IL13RA1: variants seen among roughly 807,000 people sequenced by gnomAD.
IL13RA1 encodes interleukin 13 receptor subunit alpha 1, also known as interleukin-13 receptor subunit alpha-1.
A neutral mutation model predicts 33.8 loss-of-function variants in IL13RA1; 14 were observed. The observed-to-expected ratio is 0.41, with a 90% CI of 0.27 to 0.65. IL13RA1 has a LOEUF of 0.65. IL13RA1 is among the 30% of genes least tolerant of loss of function. The probability of loss-of-function intolerance (pLI) is 0.28; values close to 1 mark genes in which losing one functional copy is unlikely to be tolerated. For synonymous variants in IL13RA1, 116 were observed against 115.7 expected (o/e 1.00, Z -0.02); for missense variants, 313 against 327.0 (o/e 0.96, Z 0.33).
chrX:118,741,934 G>A (rs1443873047), intron 2 of IL13RA1, among the ~76,000 whole-genome samples: 1 of 110,920 alleles, frequency 9.0e-6, no homozygotes, highest in Non-Finnish European at 1.9e-5. Context: ...AGTTCAGGCA[G>A]CTTTGGTGGC....
At chrX:118,782,825 C>G (rs768143695) in intron 10 of IL13RA1, among the ~76,000 whole-genome samples, 1 of 107,757 alleles carries the variant, frequency 9.3e-6, no homozygotes, top group African/African-American at 3.4e-5. Flanking sequence ...TAGTCTCAAA[C>G]TCCTGGGCTC....
intron 8 of IL13RA1, among the ~76,000 whole-genome samples, chrX:118,773,511 A>G (rs2017748252): frequency 8.9e-6 from 1 of 111,852 alleles, no homozygotes; most frequent in Non-Finnish European, 1.9e-5. Flanking sequence ...CAAACAAACA[A>G]AAGTTTAAAT....
At chrX:118,776,226 T>C (rs1414504938) in intron 9 of IL13RA1, among the ~76,000 whole-genome samples, 15 of 112,127 alleles carry the variant, frequency 1.3e-4, no homozygotes, top group African/African-American at 4.9e-4. Context: ...GCTCCACCTA[T>C]GGGCAAGAGT....
rs534637239 is a variant in IL13RA1, at chrX:118,765,159, G to A, written c.829-1371G>A. 2.8e-3 allele frequency among the ~76,000 whole-genome samples: 314 copies of A among 110,797 alleles called. 5 individuals carry two copies. The South Asian group carries it at 0.037, about 13-fold the overall frequency. On this transcript the variant is annotated intron_variant, in intron 6 of 10. Coordinates refer to ENST00000371666, the MANE Select transcript of IL13RA1 (RefSeq NM_001560.3). ...CCAGGCTGGAGTGCAGTGCAGTGGC[G>A]CAATCTCAGCTCACTGCAACCTCCA... is the stretch of plus-strand genomic sequence containing the variant.
In IL13RA1 at chrX:118,773,590, T is replaced by C. The variant is rs763113235; in HGVS notation, c.1010-289T>C. 6.2e-5 allele frequency among the ~76,000 whole-genome samples: 7 copies of C among 112,293 alleles called. No individual in the cohort carries two copies. In the East Asian group the frequency reaches 1.9e-3, roughly 31 times the overall value. On this transcript the variant is annotated intron_variant, in intron 8 of 10. Coordinates refer to ENST00000371666, the MANE Select transcript of IL13RA1 (RefSeq NM_001560.3). The stretch of plus-strand genomic sequence containing the variant: ...GAATATGGTTCCAGGTCCTAGTCTC[T>C]GAGTTTTTGAAAGAGAATAAAGCTT...
chrX:118,800,212 A>G, the IL13RA1 span, among the ~76,000 whole-genome samples: 1 of 111,290 alleles, frequency 9.0e-6, no homozygotes, highest in Non-Finnish European at 1.9e-5. Flanking sequence ...AATCAGCAGG[A>G]TGTGGGTGGG....
downstream of IL13RA1, among the ~76,000 whole-genome samples, chrX:118,795,227 A>AAAAAAAAAAAAAAAAAAG (rs200347606): frequency 1.6e-3 from 154 of 94,963 alleles, 6 homozygotes; most frequent in African/African-American, 6.9e-3. Context: ...AAAAAAAAAA[A>AAAAAAAAAAAAAAAAAAG]AAAGAAAAAG....
intron 8 of IL13RA1, among the ~76,000 whole-genome samples, chrX:118,771,915 T>C (rs1380950934): frequency 9.0e-6 from 1 of 111,218 alleles, no homozygotes; most frequent in Admixed American, 9.5e-5. Context: ...GGAGGTTGCA[T>C]TGAGTCGAGA....
chrX:118,742,920 A>T (rs918101420), intron 2 of IL13RA1, among the ~76,000 whole-genome samples: 2 of 111,851 alleles, frequency 1.8e-5, no homozygotes, highest in African/African-American at 6.5e-5. Flanking sequence ...TTATGGGTCA[A>T]AATGGTTGAA....
chrX:118,799,479 A>G (rs1234824915), downstream of IL13RA1, among the ~76,000 whole-genome samples: 5 of 112,265 alleles, frequency 4.5e-5, no homozygotes, highest in African/African-American at 1.6e-4. Context: ...AAATACACCA[A>G]TCAGCACCCT....
At chrX:118,751,392 T>C (rs937679404) in intron 4 of IL13RA1, among the ~76,000 whole-genome samples, 1 of 111,812 alleles carries the variant, frequency 8.9e-6, no homozygotes, top group Non-Finnish European at 1.9e-5. Context: ...GCTCAAAATA[T>C]AGAGGAGAAG....
chrX:118,788,274 C>T (rs1751174744), intron 10 of IL13RA1, among the ~76,000 whole-genome samples: 1 of 111,635 alleles, frequency 9.0e-6, no homozygotes, highest in African/African-American at 3.3e-5. Context: ...TGGGAATATT[C>T]AAAAACGATG....
chrX:118,784,312 G>C (rs779186325), intron 10 of IL13RA1, among the ~76,000 whole-genome samples: 1 of 106,249 alleles, frequency 9.4e-6, no homozygotes, highest in East Asian at 3.0e-4. Context: ...TAGGGAAACT[G>C]AAATACCTTT....
intron 4 of IL13RA1, among the ~76,000 whole-genome samples, 176 bp downstream of exon 4, chrX:118,749,954 T>C (rs1400962658): frequency 2.7e-5 from 3 of 112,071 alleles, no homozygotes; most frequent in Non-Finnish European, 5.6e-5. Context: ...TTAAATAAAC[T>C]TTCTATTTTT....
At chrX:118,795,211 C>CAAAAAAAAAAAAAAAAAAAA (rs1222782237), downstream of IL13RA1, among the ~76,000 whole-genome samples, 5 of 26,986 alleles carry the variant, frequency 1.9e-4, no homozygotes, top group African/African-American at 7.8e-4. Context: ...GACTCCGTCT[C>CAAAAAAAAAAAAAAAAAAAA]AAAAAAAAAA....
chrX:118,767,521 A>G (rs1285411496), intron 8 of IL13RA1, among the ~76,000 whole-genome samples: 1 of 110,980 alleles, frequency 9.0e-6, no homozygotes, highest in Non-Finnish European at 1.9e-5. Context: ...AGCCTGGGCG[A>G]CAGAGTGAGA....
At position 118,773,953 on chromosome X, in the gene IL13RA1, G is replaced by A; in HGVS notation, c.1084G>A (p.Val362Ile). The change falls in exon 9 of 11, where the codon GTA (valine) becomes ATA (isoleucine). Residue 362 changes from valine (V) to isoleucine (I), a missense_variant. Physicochemically the swap from Val to Ile is conservative, Grantham distance 29. Transcript: ENST00000371666. ...VPVIVAGAII[V>I]LLLYLKRLKI... ...AGTCATCGTCGCAGGTGCAATCATAGTACTCCTGCTTTACCTAAAAAGGTA... is the reference window on the plus strand; with the variant it reads ...AGTCATCGTCGCAGGTGCAATCATAATACTCCTGCTTTACCTAAAAAGGTA... 9.8e-7 allele frequency: 1 copy of A among 1,024,611 alleles called. No homozygotes were observed. The highest frequency in any genetic ancestry group is 1.4e-6 in the Non-Finnish European group (1 of 725,499). The allele number at this position is 1,024,611 out of a possible 1,213,427, so 84.4% of individuals were successfully genotyped here.
At chrX:118,790,561 A>T (rs1027374150) in intron 10 of IL13RA1, among the ~76,000 whole-genome samples, 2 of 111,932 alleles carry the variant, frequency 1.8e-5, no homozygotes, top group African/African-American at 6.5e-5. Context: ...CAAGTGTCAG[A>T]CTGTTTTCCA....
chrX:118,737,986 T>G (rs1164054427), intron 1 of IL13RA1: 1 of 111,896 alleles, frequency 8.9e-6, no homozygotes, highest in Non-Finnish European at 1.9e-5. Flanking sequence ...AAAAATATCA[T>G]TGATATGGTG....
Sources: allele counts gnomAD v4.1 joint callset (sites outside exome capture counted in the v4.1 genomes callset), GRCh38; gene constraint gnomAD v4.1.1; transcripts MANE v1.5; gene names NCBI Gene and HGNC (gene_info 2026-07-23, HGNC 2026-07-21).